The following GAPVD1 variants were observed in gnomAD, a reference collection of about 807,000 sequenced individuals.
GAPVD1 encodes GTPase-activating protein and VPS9 domain-containing protein 1.
GAPVD1 carries 35 observed loss-of-function variants against 155.5 expected under a neutral mutation model. The ratio of observed to expected loss-of-function variants is 0.23; its 90% CI spans 0.17 to 0.30. The LOEUF (loss-of-function observed/expected upper bound fraction) is 0.30. GAPVD1 is among the 10% of genes least tolerant of loss of function. The pLI is 1.00. For missense variants in GAPVD1, 1,429 were observed against 1,775.7 expected (o/e 0.80, Z 3.51); for synonymous variants, 636 against 619.7 (o/e 1.03, Z -0.39).
chr9:125,286,899 C>T (rs1288281039), intron 2 of GAPVD1, among the ~76,000 whole-genome samples: 3 of 151,834 alleles, frequency 2.0e-5, no homozygotes, highest in South Asian at 2.1e-4. Flanking sequence ...GCCTGGCCAA[C>T]GTGGCAAAAC....
At chr9:125,264,234 G>A (rs1171522316) in intron 1 of GAPVD1, 1 of 588,734 alleles carries the variant, frequency 1.7e-6, no homozygotes, top group Admixed American at 2.7e-5. Flanking sequence ...TGGCTCTGTT[G>A]CCTAGGCTGG....
In GAPVD1 at chr9:125,264,138, C is replaced by T. The variant is rs375552679; in HGVS notation, c.-199+2179C>T. The T allele has an allele frequency of 3.3e-4, 230 of 697,250 alleles. 4 individuals carry two copies. The highest frequency in any genetic ancestry group is 2.9e-3 in the South Asian group (191 of 66,514). The allele number at this position is 697,250 out of a possible 1,614,324, so 43.2% of individuals were successfully genotyped here. A position where few individuals can be genotyped will look rare whatever the true frequency, so the allele number is the denominator to read the frequency against. ...AAGGCAGACAGGATGACAGTGTAGA[C>T]GAAAGAGAATTTCATAATCAGGGAG... On this transcript the variant is annotated intron_variant, in intron 1 of 27. Transcript: ENST00000297933.
intron 26 of GAPVD1, chr9:125,359,770 C>G (rs1021306688): frequency 6.0e-6 from 2 of 333,922 alleles, no homozygotes; most frequent in Non-Finnish European, 1.1e-5. Context: ...TCCATCAGTG[C>G]TTTTATAGTC....
At chr9:125,344,763 C>G (rs1299600721) in intron 19 of GAPVD1, among the ~76,000 whole-genome samples, 1 of 151,164 alleles carries the variant, frequency 6.6e-6, no homozygotes, top group East Asian at 1.9e-4. Flanking sequence ...AGCTATGTGC[C>G]ACTGCACTCC....
intron 11 of GAPVD1, among the ~76,000 whole-genome samples, chr9:125,325,678 T>C (rs1407367815): frequency 6.6e-6 from 1 of 152,200 alleles, no homozygotes; most frequent in East Asian, 1.9e-4. Flanking sequence ...AGTATTGTCA[T>C]TGGAGTGTGT....
At chr9:125,301,931 T>C in intron 4 of GAPVD1, 52 bp from the exon 5 acceptor site, 1 of 1,314,928 alleles carries the variant, frequency 7.6e-7, no homozygotes, top group South Asian at 1.5e-5. Flanking sequence ...TATGTGTTAT[T>C]ATTATTAATA....
At chr9:125,272,265 A>G (rs1055050301) in intron 2 of GAPVD1, among the ~76,000 whole-genome samples, 1 of 151,860 alleles carries the variant, frequency 6.6e-6, no homozygotes, top group African/African-American at 2.4e-5. Context: ...CTCGTGATCC[A>G]CCCGCCTCGG....
chr9:125,265,565 C>T (rs889623777), intron 1 of GAPVD1, among the ~76,000 whole-genome samples: 2 of 150,532 alleles, frequency 1.3e-5, no homozygotes, highest in Non-Finnish European at 3.0e-5. Flanking sequence ...GCGGGTGCCA[C>T]GATGGCTGGC....
intron 2 of GAPVD1, among the ~76,000 whole-genome samples, chr9:125,275,746 A>G (rs1835675618): frequency 1.3e-5 from 2 of 151,902 alleles, no homozygotes; most frequent in South Asian, 4.2e-4. Context: ...ACAGAGCGAG[A>G]CTCTTTCTCA....
intron 25 of GAPVD1, among the ~76,000 whole-genome samples, chr9:125,356,942 T>G (rs1850164916): frequency 6.6e-6 from 1 of 152,210 alleles, no homozygotes; most frequent in African/African-American, 2.4e-5. Flanking sequence ...CCCAAAGTGC[T>G]GAGATGACAG....
chr9:125,350,751 G>C lies in GAPVD1; in HGVS notation c.3448G>C (p.Glu1150Gln). 6.4e-7 allele frequency: 1 copy of C among 1,567,172 alleles called. No individual in the cohort carries two copies. Among genetic ancestry groups the C allele is most frequent in the Non-Finnish European group, 8.8e-7 (1 of 1,137,590 alleles). ...IVCFLKVQIA[E>Q]AINLQDKNLM... ...ATGCTTCTTAAAAGTTCAAATAGCTGAAGCAATTAATTTACAAGATAAGAA... is the reference window on the plus strand; with the variant it reads ...ATGCTTCTTAAAAGTTCAAATAGCTCAAGCAATTAATTTACAAGATAAGAA... Residue 1150 changes from glutamate (E) to glutamine (Q), a missense_variant, in exon 23 of 28, where the codon GAA (glutamate) becomes CAA (glutamine). Glu to Gln is a conservative substitution (Grantham distance 29, BLOSUM62 2). Around this residue, in one of 4 missense-constraint regions of GAPVD1, gnomAD observed 699 missense variants for 826.0 expected, o/e 0.85. Coordinates refer to ENST00000297933, the MANE Select transcript of GAPVD1 (RefSeq NM_001282680.3).
At position 125,354,856 on chromosome 9, in the gene GAPVD1, T is replaced by G. The variant is rs1849827389; in HGVS notation, c.3757+15T>G. Reference sequence around the variant, plus strand: ...ATTCATTCAAGGTAACTCAATACCTTTAGTTTAAGCATCTCTTCACCTGTA... The same window carrying G: ...ATTCATTCAAGGTAACTCAATACCTGTAGTTTAAGCATCTCTTCACCTGTA... On this transcript the variant is annotated intron_variant, in intron 24 of 27. Coordinates refer to ENST00000297933, the MANE Select transcript of GAPVD1 (RefSeq NM_001282680.3). 1.3e-6 allele frequency: 2 copies of G among 1,566,226 alleles called. No individual in the cohort carries two copies. The highest frequency in any genetic ancestry group is 1.8e-6 in the Non-Finnish European group (2 of 1,136,548).
chr9:125,307,394 T>A lies in GAPVD1; in HGVS notation c.1117-19T>A, dbSNP rs773973209. On this transcript the variant is annotated intron_variant, in intron 6 of 27. Transcript: ENST00000297933. The stretch of plus-strand genomic sequence containing the variant: ...ATTTTAAAGGGAAATGTTTCACTGT[T>A]TTTTTCCTGTTTTAACAGAGCTGTG... 4 of 1,548,880 alleles carry A rather than the reference T, an allele frequency of 2.6e-6. No individual in the cohort carries two copies.
chr9:125,347,723 A>G (rs1371741418), intron 20 of GAPVD1, among the ~76,000 whole-genome samples: 1 of 150,688 alleles, frequency 6.6e-6, no homozygotes, highest in African/African-American at 2.4e-5. Context: ...CCTGTCTCAA[A>G]AAAAAAAAAA....
intron 26 of GAPVD1, among the ~76,000 whole-genome samples, chr9:125,360,191 T>A (rs1850704344): frequency 6.6e-6 from 1 of 152,238 alleles, no homozygotes; most frequent in African/African-American, 2.4e-5. Flanking sequence ...AGTTTGTACT[T>A]CTGGAATCAG....
At position 125,340,033 on chromosome 9, in the gene GAPVD1, G is replaced by GTTT. The variant is rs555976777; in HGVS notation, c.2878-1141_2878-1139dup. ...TGGCCTGTTTTTTGTTTGTTTGTTT[G>GTTT]TTTTTGAGATGGAGTCTCACTCTGT... On this transcript the variant is annotated intron_variant, in intron 17 of 27. Coordinates refer to ENST00000297933, the MANE Select transcript of GAPVD1 (RefSeq NM_001282680.3). Among the ~76,000 whole-genome samples, 231 of 152,200 alleles carry GTTT rather than the reference G, an allele frequency of 1.5e-3. 1 individual carries two copies. The highest frequency in any genetic ancestry group is 2.0e-3 in the Non-Finnish European group (134 of 67,986).
chr9:125,351,254 GT>G, intron 23 of GAPVD1, among the ~76,000 whole-genome samples: 1 of 152,174 alleles, frequency 6.6e-6, no homozygotes, highest in East Asian at 1.9e-4. Context: ...GGAAAGACCT[GT>G]CCCCATTGAT....
At chr9:125,300,468 C>A (rs1344179177) in intron 4 of GAPVD1, among the ~76,000 whole-genome samples, 2 of 151,826 alleles carry the variant, frequency 1.3e-5, no homozygotes, top group Non-Finnish European at 2.9e-5. Flanking sequence ...TATGAGCCAC[C>A]CTGCCTGGCC....
chr9:125,277,426 G>A (rs1332452633), intron 2 of GAPVD1, among the ~76,000 whole-genome samples: 2 of 152,106 alleles, frequency 1.3e-5, no homozygotes, highest in African/African-American at 4.8e-5. Flanking sequence ...GCCAATGAAA[G>A]GAGTGGACAC....
Sources: allele counts gnomAD v4.1 joint callset (sites outside exome capture counted in the v4.1 genomes callset), GRCh38; gene constraint gnomAD v4.1.1; regional missense constraint gnomAD v4.1.1; transcripts MANE v1.5; gene names NCBI Gene and HGNC (gene_info 2026-07-23, HGNC 2026-07-21).